TSPAN7: variants seen among roughly 807,000 people sequenced by gnomAD.
TSPAN7 encodes tetraspanin 7.
Under a neutral mutation model 17.6 loss-of-function variants are expected in TSPAN7, and 1 was observed. That is an observed-to-expected ratio of 0.06 (90% CI 0.02 to 0.27). The LOEUF (loss-of-function observed/expected upper bound fraction) is 0.27, where lower values mean the gene tolerates loss of function less well. Ranked by LOEUF, TSPAN7 falls within the 10% of genes least tolerant of loss-of-function variation. TSPAN7 has a pLI of 1.00. For missense variants in TSPAN7, 112 were observed against 201.7 expected (o/e 0.56, Z 2.69); for synonymous variants, 78 against 79.0 (o/e 0.99, Z 0.07).
chrX:38,623,042 TA>T (rs1410292479), intron 1 of TSPAN7: 1 of 329,336 alleles, frequency 3.0e-6, no homozygotes, highest in Non-Finnish European at 5.9e-6. Context: ...TGGTAGGTCT[TA>T]AATCTTGGTT....
chrX:38,584,357 T>C (rs1029656971), intron 1 of TSPAN7, among the ~76,000 whole-genome samples: 1 of 111,649 alleles, frequency 9.0e-6, no homozygotes, highest in African/African-American at 3.3e-5. Flanking sequence ...GGCCATGATT[T>C]AAAGCACTTC....
At chrX:38,606,454 G>T (rs1450711653) in intron 1 of TSPAN7, among the ~76,000 whole-genome samples, 3 of 111,890 alleles carry the variant, frequency 2.7e-5, no homozygotes, top group Non-Finnish European at 5.7e-5. Context: ...ATAAAAACAA[G>T]ACATCAGTTG....
intron 1 of TSPAN7, among the ~76,000 whole-genome samples, chrX:38,621,461 T>A (rs1015874574): frequency 1.8e-5 from 2 of 112,104 alleles, no homozygotes; most frequent in East Asian, 5.6e-4. Context: ...CGGGGATTTT[T>A]GAATAAAATA....
At chrX:38,584,541 G>A (rs931129202) in intron 1 of TSPAN7, among the ~76,000 whole-genome samples, 2 of 111,582 alleles carry the variant, frequency 1.8e-5, no homozygotes, top group African/African-American at 3.3e-5. Context: ...CATCTCAAAC[G>A]TGTGGAGTTC....
intron 1 of TSPAN7, among the ~76,000 whole-genome samples, chrX:38,590,302 T>A (rs2069283951): frequency 9.0e-6 from 1 of 111,609 alleles, no homozygotes. Context: ...TGGAGTCTCA[T>A]TGTGTTGCCC....
intron 1 of TSPAN7, among the ~76,000 whole-genome samples, chrX:38,652,483 G>A (rs2069680737): frequency 1.8e-5 from 2 of 112,105 alleles, no homozygotes; most frequent in East Asian, 5.6e-4. Context: ...TTATTAGAAA[G>A]TTCTTCCTTG....
chrX:38,670,658 G>A (rs547280399), intron 2 of TSPAN7, among the ~76,000 whole-genome samples: 1 of 112,551 alleles, frequency 8.9e-6, no homozygotes, highest in Admixed American at 9.4e-5. Context: ...GCCCAGATGG[G>A]AGGGATACAA....
intron 1 of TSPAN7, among the ~76,000 whole-genome samples, chrX:38,651,738 C>T (rs187719387): frequency 1.1e-4 from 12 of 111,509 alleles, no homozygotes; most frequent in African/African-American, 2.6e-4. Context: ...AGCCATGTAA[C>T]GAGCTATGTA....
Position 38,589,769 on chromosome X carries a change from A to G in TSPAN7, c.81+28142A>G, listed in dbSNP as rs142768926. ...TTGATTGTTTCATTAGAATGTTTAT[A>G]CATTAAAGCTACCAATCCATTGTTT... On this transcript the variant is annotated intron_variant, in intron 1 of 7. Coordinates refer to ENST00000378482, the MANE Select transcript of TSPAN7 (RefSeq NM_004615.4). 3.8e-4 allele frequency among the ~76,000 whole-genome samples: 43 copies of G among 112,206 alleles called. No homozygotes were observed. The East Asian group carries it at 0.01, about 26-fold the overall frequency.
chrX:38,568,579 A>G (rs2069154792), intron 1 of TSPAN7, among the ~76,000 whole-genome samples: 1 of 110,622 alleles, frequency 9.0e-6, no homozygotes, highest in African/African-American at 3.3e-5. Flanking sequence ...GAAAGTTCTT[A>G]TGATCTCTTG....
chrX:38,576,769 G>A (rs141497893), intron 1 of TSPAN7, among the ~76,000 whole-genome samples: 3,782 of 111,599 alleles, frequency 0.034, 181 homozygotes, highest in African/African-American at 0.12. Flanking sequence ...AATAAGTTTA[G>A]CTGTAATAAA....
intron 1 of TSPAN7, among the ~76,000 whole-genome samples, chrX:38,628,430 A>G (rs1300146356): frequency 8.9e-6 from 1 of 112,316 alleles, no homozygotes. Flanking sequence ...AAACAACTCC[A>G]GTCCTCTTTT....
In TSPAN7 at chrX:38,628,543, C is replaced by T. The variant is rs140699945; in HGVS notation, c.82-37578C>T. ...GTCGTGCATTTTGACTTAAGTAGCA[C>T]AATAAATATCTCTGCATGCAAGATT... is the stretch of plus-strand genomic sequence containing the variant. On this transcript the variant is annotated intron_variant, in intron 1 of 7. Coordinates refer to ENST00000378482, the MANE Select transcript of TSPAN7 (RefSeq NM_004615.4). Among the ~76,000 whole-genome samples the T allele has an allele frequency of 8.4e-3, 935 of 111,384 alleles. 13 individuals carry two copies. The highest frequency in any genetic ancestry group is 0.029 in the African/African-American group (897 of 30,629).
intron 1 of TSPAN7, chrX:38,646,359 T>C: frequency 9.2e-7 from 1 of 1,082,922 alleles, no homozygotes; most frequent in African/African-American, 1.8e-5. Flanking sequence ...TATTAATGTG[T>C]GTAGCTGTGG....
intron 1 of TSPAN7, among the ~76,000 whole-genome samples, chrX:38,614,548 G>A (rs908204989): frequency 2.7e-5 from 3 of 112,571 alleles, no homozygotes; most frequent in African/African-American, 9.7e-5. Flanking sequence ...ATCTCTATGA[G>A]TTAACTGGAC....
intron 1 of TSPAN7, among the ~76,000 whole-genome samples, chrX:38,563,372 C>T (rs1338353273): frequency 8.9e-6 from 1 of 111,906 alleles, no homozygotes; most frequent in Non-Finnish European, 1.9e-5. Context: ...GTAGCCATTC[C>T]TGGGAACTGG....
chrX:38,638,793 G>A (rs1407624910), intron 1 of TSPAN7, among the ~76,000 whole-genome samples: 2 of 111,609 alleles, frequency 1.8e-5, no homozygotes, highest in Admixed American at 1.9e-4. Context: ...AGACAAATTG[G>A]TCTTCTATTA....
At chrX:38,574,687 G>C (rs1241160935) in intron 1 of TSPAN7, among the ~76,000 whole-genome samples, 1 of 111,169 alleles carries the variant, frequency 9.0e-6, no homozygotes, top group East Asian at 2.8e-4. Flanking sequence ...CAGGATTTGG[G>C]GGAGGGGGAG....
At chrX:38,676,721 C>T (rs1284603046) in intron 5 of TSPAN7, among the ~76,000 whole-genome samples, 2 of 111,631 alleles carry the variant, frequency 1.8e-5, no homozygotes, top group African/African-American at 6.5e-5. Context: ...TGATCTGGAC[C>T]AGCTACTGAA....
Sources: gnomAD v4.1 joint callset for allele counts (sites outside exome capture counted in the v4.1 genomes callset) on GRCh38, gnomAD v4.1.1 for gene constraint, MANE v1.5 for transcripts, NCBI Gene and HGNC (gene_info 2026-07-23, HGNC 2026-07-21) for gene names.